The following LRRC37A2 variants were observed in gnomAD, a reference collection of about 807,000 sequenced individuals.
The protein encoded by LRRC37A2 is leucine-rich repeat-containing protein 37A2.
Under a neutral mutation model 68.8 loss-of-function variants are expected in LRRC37A2, and 9 were observed. The observed-to-expected ratio is 0.13, with a 90% CI of 0.08 to 0.23. LRRC37A2 has a LOEUF of 0.23. Among genes scored for constraint, LRRC37A2 ranks in the 10% least tolerant of loss-of-function variants. The probability of loss-of-function intolerance (pLI) is 1.00; values close to 1 mark genes in which losing one functional copy is unlikely to be tolerated. For missense variants in LRRC37A2, 168 were observed against 950.4 expected (o/e 0.18, Z 10.82); for synonymous variants, 63 against 367.6 (o/e 0.17, Z 9.48).
At chr17:46,945,726 T>G in the LRRC37A2 span, among the ~76,000 whole-genome samples, 4 of 152,124 alleles carry the variant, frequency 2.6e-5, no homozygotes, top group Non-Finnish European at 5.9e-5. Flanking sequence ...TCTAAGAGTT[T>G]CTTGTGCCCC....
chr17:47,034,478 G>A, the LRRC37A2 span, among the ~76,000 whole-genome samples: 2 of 152,120 alleles, frequency 1.3e-5, no homozygotes, highest in Non-Finnish European at 2.9e-5. Flanking sequence ...GGCTATGGAT[G>A]AGCTATCAAG....
the LRRC37A2 span, among the ~76,000 whole-genome samples, chr17:46,983,289 CTTTTTTT>C: frequency 1.2e-3 from 95 of 76,868 alleles, 1 homozygote; most frequent in Non-Finnish European, 1.6e-3. Flanking sequence ...GCCCTTTCTT[CTTTTTTT>C]TTTTTTTTTT....
the LRRC37A2 span, among the ~76,000 whole-genome samples, chr17:46,994,806 G>A: frequency 1.3e-4 from 16 of 124,260 alleles, no homozygotes; most frequent in Middle Eastern, 9.0e-3. Flanking sequence ...TTAATGCTGG[G>A]TTAGCTACAA....
chr17:46,835,170 T>A, the LRRC37A2 span, among the ~76,000 whole-genome samples: 4 of 152,156 alleles, frequency 2.6e-5, no homozygotes, highest in Admixed American at 2.6e-4. Flanking sequence ...AATTTTTTTT[T>A]ATTTTTAGTA....
At chr17:47,020,989 A>T in the LRRC37A2 span, among the ~76,000 whole-genome samples, 2 of 151,562 alleles carry the variant, frequency 1.3e-5, no homozygotes, top group African/African-American at 4.8e-5. Flanking sequence ...TGTTAAATAG[A>T]AAAAAAATGG....
chr17:46,409,008 G>A, the LRRC37A2 span: 1 of 397,292 alleles, frequency 2.5e-6, no homozygotes, highest in Non-Finnish European at 4.3e-6. Flanking sequence ...TCAATGTGGA[G>A]TACTAACTGT....
chr17:46,544,956 G>A lies in LRRC37A2; in HGVS notation c.3054-1299G>A, dbSNP rs1278508562. Among the ~76,000 whole-genome samples, 7 of 140,354 alleles carry A rather than the reference G, an allele frequency of 5.0e-5. 3 individuals carry two copies. The highest frequency in any genetic ancestry group is 1.1e-4 in the Non-Finnish European group (7 of 64,500). The allele number at this position is 140,354 out of a possible 152,430, so 92.1% of individuals were successfully genotyped here. On this transcript the variant is annotated intron_variant, in intron 8 of 14. Transcript: ENST00000576629. ...ACACTGGCATTTTTTAAGAGTCAAA[G>A]ATAGTTGTCTTGTAAATTGTCCCAC...
At chr17:46,824,764 C>G in the LRRC37A2 span, among the ~76,000 whole-genome samples, 1 of 152,246 alleles carries the variant, frequency 6.6e-6, no homozygotes, top group Admixed American at 6.5e-5. Context: ...AGAAGGGCCA[C>G]TGACTCAGGT....
chr17:46,977,432 C>T, the LRRC37A2 span, among the ~76,000 whole-genome samples: 3 of 152,230 alleles, frequency 2.0e-5, no homozygotes, highest in African/African-American at 7.2e-5. Flanking sequence ...CCAGGTCCCC[C>T]TGTCCCCAAC....
At chr17:46,893,898 G>A in the LRRC37A2 span, among the ~76,000 whole-genome samples, 2 of 152,190 alleles carry the variant, frequency 1.3e-5, no homozygotes. Context: ...TCAAGTGGGC[G>A]TGGAGGTGCC....
the LRRC37A2 span, among the ~76,000 whole-genome samples, chr17:46,963,478 G>A: frequency 6.6e-6 from 1 of 151,646 alleles, no homozygotes; most frequent in African/African-American, 2.4e-5. Context: ...CTGGGAGGTG[G>A]AGGTTACAGT....
chr17:46,895,431 T>C, the LRRC37A2 span, among the ~76,000 whole-genome samples: 2 of 152,284 alleles, frequency 1.3e-5, no homozygotes, highest in African/African-American at 4.8e-5. Flanking sequence ...GTGCCACAGC[T>C]CTCACCCGTG....
chr17:46,704,168 G>GAT, the LRRC37A2 span, among the ~76,000 whole-genome samples: 1 of 81,752 alleles, frequency 1.2e-5, no homozygotes, highest in African/African-American at 4.9e-5. Flanking sequence ...AGGCTGTACA[G>GAT]ATATCTCTTC....
the LRRC37A2 span, among the ~76,000 whole-genome samples, chr17:46,715,123 A>G: frequency 6.6e-6 from 1 of 152,246 alleles, no homozygotes; most frequent in Non-Finnish European, 1.5e-5. Flanking sequence ...AACTTGTAGC[A>G]GGATTCCAGG....
the LRRC37A2 span, among the ~76,000 whole-genome samples, chr17:46,966,346 C>T: frequency 5.9e-5 from 9 of 152,172 alleles, no homozygotes; most frequent in East Asian, 1.9e-4. Flanking sequence ...TGCAGTGGCA[C>T]GATCATGGCC....
At chr17:46,785,021 C>T in the LRRC37A2 span, among the ~76,000 whole-genome samples, 62 of 152,286 alleles carry the variant, frequency 4.1e-4, no homozygotes, top group East Asian at 9.5e-3. Context: ...TCGTGATCTG[C>T]CCGCCTTGGC....
the LRRC37A2 span, among the ~76,000 whole-genome samples, chr17:46,800,074 G>A: frequency 4.6e-5 from 7 of 152,130 alleles, no homozygotes; most frequent in African/African-American, 2.4e-5. Context: ...TTGGGAAGGA[G>A]TCTGATTCCT....
chr17:46,946,409 C>T, the LRRC37A2 span, among the ~76,000 whole-genome samples: 5 of 146,670 alleles, frequency 3.4e-5, no homozygotes, highest in South Asian at 2.1e-4. Context: ...TGCAGTGAGC[C>T]GAGATCACGC....
the LRRC37A2 span, among the ~76,000 whole-genome samples, chr17:46,871,399 C>T: frequency 6.6e-6 from 1 of 152,306 alleles, no homozygotes; most frequent in South Asian, 2.1e-4. Flanking sequence ...ACTCTAATTC[C>T]AATTCCCACC....
Sources: gnomAD v4.1 joint callset for allele counts (sites outside exome capture counted in the v4.1 genomes callset) on GRCh38, gnomAD v4.1.1 for gene constraint, MANE v1.5 for transcripts, NCBI Gene and HGNC (gene_info 2026-07-23, HGNC 2026-07-21) for gene names.